The following TENM2 variants were observed in gnomAD, a reference collection of about 807,000 sequenced individuals.
TENM2 encodes teneurin-2.
A neutral mutation model predicts 245.2 loss-of-function variants in TENM2; 52 were observed. That is an observed-to-expected ratio of 0.21 (90% CI 0.17 to 0.27). The LOEUF is 0.27. TENM2 is among the 10% of genes least tolerant of loss of function. TENM2 has a pLI of 1.00. For synonymous variants in TENM2, 1,363 were observed against 1,438.9 expected (o/e 0.95, Z 1.19); for missense variants, 3,046 against 3,666.8 (o/e 0.83, Z 4.37).
At chr5:167,175,877 T>C in the TENM2 span, among the ~76,000 whole-genome samples, 2 of 152,138 alleles carry the variant, frequency 1.3e-5, no homozygotes, top group Non-Finnish European at 2.9e-5. Flanking sequence ...ACACGGCTGA[T>C]TTTTGCATTT....
At chr5:167,292,646 T>C (rs1023462514) in intron 1 of TENM2, among the ~76,000 whole-genome samples, 1 of 152,228 alleles carries the variant, frequency 6.6e-6, no homozygotes, top group African/African-American at 2.4e-5. Context: ...TTTCAGGGGT[T>C]CCTAAAAGGC....
At chr5:167,433,876 G>A (rs1764387127) in intron 2 of TENM2, among the ~76,000 whole-genome samples, 1 of 152,018 alleles carries the variant, frequency 6.6e-6, no homozygotes, top group South Asian at 2.1e-4. Flanking sequence ...GCACAATATA[G>A]TTCAGATCTT....
chr5:168,226,014 T>TGA, intron 23 of TENM2, 74 bp from the exon 26 acceptor site: 1 of 1,405,004 alleles, frequency 7.1e-7, no homozygotes, highest in Admixed American at 2.1e-5. Flanking sequence ...TCTGGCCCTG[T>TGA]GAGTCTTGGG....
chr5:168,144,107 C>T (rs1455607573), intron 12 of TENM2, among the ~76,000 whole-genome samples: 1 of 151,932 alleles, frequency 6.6e-6, no homozygotes, highest in Admixed American at 6.5e-5. Flanking sequence ...AATCCGCCTG[C>T]CTCGGCCTCC....
chr5:166,982,849 A>G, the TENM2 span, among the ~76,000 whole-genome samples: 2 of 151,874 alleles, frequency 1.3e-5, no homozygotes, highest in Non-Finnish European at 2.9e-5. Flanking sequence ...ACATAGCAGT[A>G]TTTGATTAAG....
At chr5:168,197,953 C>A (rs1761595340) in intron 15 of TENM2, among the ~76,000 whole-genome samples, 1 of 152,164 alleles carries the variant, frequency 6.6e-6, no homozygotes. Flanking sequence ...CTCTCTGTGT[C>A]CTAACGTAGT....
chr5:167,962,754 C>G (rs1363063657), intron 4 of TENM2, among the ~76,000 whole-genome samples: 1 of 152,130 alleles, frequency 6.6e-6, no homozygotes, highest in African/African-American at 2.4e-5. Context: ...ACCATCAGAT[C>G]TCATGAGAAC....
chr5:167,633,456 CAGA>C (rs1056388779), intron 2 of TENM2, among the ~76,000 whole-genome samples: 8 of 152,058 alleles, frequency 5.3e-5, no homozygotes, highest in African/African-American at 1.9e-4. Flanking sequence ...GGAAAATTTT[CAGA>C]AGACATTCAG....
intron 3 of TENM2, among the ~76,000 whole-genome samples, chr5:167,922,767 C>T (rs570539344): frequency 4.3e-4 from 66 of 152,348 alleles, no homozygotes; most frequent in African/African-American, 1.3e-3. Context: ...CTGTGCCTGC[C>T]TCTTTGAAGC....
At chr5:167,900,357 G>A (rs1421740385) in intron 3 of TENM2, among the ~76,000 whole-genome samples, 5 of 152,174 alleles carry the variant, frequency 3.3e-5, no homozygotes, top group South Asian at 2.1e-4. Context: ...TATTATCTGT[G>A]TATCATGAAG....
chr5:168,170,277 G>A (rs148572080), intron 13 of TENM2, among the ~76,000 whole-genome samples: 1,772 of 152,296 alleles, frequency 0.012, 39 homozygotes, highest in African/African-American at 0.04. Context: ...GCCAAGGAGG[G>A]CAGATCACTT....
intron 2 of TENM2, among the ~76,000 whole-genome samples, chr5:167,440,725 CTT>C (rs1458625077): frequency 6.6e-6 from 1 of 152,064 alleles, no homozygotes; most frequent in African/African-American, 2.4e-5. Context: ...CCCATCCTCT[CTT>C]CTCTTTCCTT....
chr5:167,204,004 T>C, the TENM2 span, among the ~76,000 whole-genome samples: 68 of 152,222 alleles, frequency 4.5e-4, no homozygotes, highest in African/African-American at 1.6e-3. Context: ...GAAAAAAGAA[T>C]CTGCCATTCT....
chr5:168,177,418 C>T (rs1320149474), intron 13 of TENM2, among the ~76,000 whole-genome samples: 1 of 152,158 alleles, frequency 6.6e-6, no homozygotes, highest in African/African-American at 2.4e-5. Flanking sequence ...GTAACTAGCC[C>T]AAGGCCACAC....
chr5:167,695,073 G>T (rs1052486299), intron 2 of TENM2, among the ~76,000 whole-genome samples: 8 of 152,130 alleles, frequency 5.3e-5, no homozygotes, highest in Admixed American at 5.2e-4. Flanking sequence ...CCTCCTTTGT[G>T]GGAATCGGAT....
chr5:167,871,417 GA>G (rs112384930), intron 2 of TENM2, among the ~76,000 whole-genome samples: 53 of 150,138 alleles, frequency 3.5e-4, no homozygotes, highest in African/African-American at 1.1e-3. Context: ...CTTTAATCAG[GA>G]AAAAAAAAAT....
chr5:167,520,551 A>T (rs1396140904), intron 2 of TENM2, among the ~76,000 whole-genome samples: 1 of 152,116 alleles, frequency 6.6e-6, no homozygotes, highest in East Asian at 1.9e-4. Flanking sequence ...TTTAGAAAAG[A>T]TGAAAGAGAG....
At chr5:167,037,173 G>T in the TENM2 span, among the ~76,000 whole-genome samples, 1 of 152,254 alleles carries the variant, frequency 6.6e-6, no homozygotes, top group African/African-American at 2.4e-5. Flanking sequence ...AAGATTTATT[G>T]CTTTCCTCAG....
chr5:168,239,139 C>T (rs912370550), intron 25 of TENM2, among the ~76,000 whole-genome samples: 2 of 152,138 alleles, frequency 1.3e-5, no homozygotes, highest in Admixed American at 6.5e-5. Flanking sequence ...CTCAAAGGGC[C>T]GATCGTGCCT....
Sources: gnomAD v4.1 joint callset for allele counts (sites outside exome capture counted in the v4.1 genomes callset) on GRCh38, gnomAD v4.1.1 for gene constraint, MANE v1.5 for transcripts, NCBI Gene and HGNC (gene_info 2026-07-23, HGNC 2026-07-21) for gene names.